Variants in KLF8 observed in about 807,000 individuals in gnomAD.
KLF8 encodes the protein KLF transcription factor 8, also known as Krueppel-like factor 8.
Under a neutral mutation model 18.2 loss-of-function variants are expected in KLF8, and 10 were observed. The ratio of observed to expected loss-of-function variants is 0.55; its 90% CI spans 0.34 to 0.93. The LOEUF (loss-of-function observed/expected upper bound fraction) is 0.93, where lower values mean the gene tolerates loss of function less well. KLF8 is among the 40% of genes least tolerant of loss of function. KLF8 has a pLI of 0.02. For missense variants in KLF8, 264 were observed against 277.9 expected (o/e 0.95, Z 0.36); for synonymous variants, 109 against 97.3 (o/e 1.12, Z -0.71).
At chrX:55,991,287 C>T in the KLF8 span, among the ~76,000 whole-genome samples, 1,228 of 112,173 alleles carry the variant, frequency 0.011, 9 homozygotes, top group African/African-American at 0.038. Context: ...GCTCTGTGGG[C>T]GTAGGACCCT....
the KLF8 span, among the ~76,000 whole-genome samples, chrX:55,918,110 A>G: frequency 8.9e-6 from 1 of 112,071 alleles, no homozygotes; most frequent in African/African-American, 3.2e-5. Flanking sequence ...TAGAGAGATA[A>G]CAGGAGCCCC....
chrX:56,103,918 T>G, the KLF8 span, among the ~76,000 whole-genome samples: 2 of 111,116 alleles, frequency 1.8e-5, no homozygotes. Flanking sequence ...GTTTTTAGCA[T>G]GAAGGGCTGT....
the KLF8 span, among the ~76,000 whole-genome samples, chrX:56,103,141 G>A: frequency 9.1e-6 from 1 of 109,969 alleles, no homozygotes; most frequent in Non-Finnish European, 1.9e-5. Context: ...AAGTCAGGTA[G>A]CATGATGCCT....
chrX:56,142,469 C>T, the KLF8 span, among the ~76,000 whole-genome samples: 1 of 111,336 alleles, frequency 9.0e-6, no homozygotes, highest in Non-Finnish European at 1.9e-5. Context: ...GATCAATCTT[C>T]GGAGCTTGTT....
chrX:55,973,343 A>G, the KLF8 span, among the ~76,000 whole-genome samples: 1 of 112,201 alleles, frequency 8.9e-6, no homozygotes, highest in African/African-American at 3.2e-5. Flanking sequence ...ACAAAAACAT[A>G]AATTGACAAG....
At chrX:55,922,084 A>G in the KLF8 span, among the ~76,000 whole-genome samples, 1 of 112,690 alleles carries the variant, frequency 8.9e-6, no homozygotes, top group Non-Finnish European at 1.9e-5. Flanking sequence ...AGCAGCAGAA[A>G]TACCATTTGA....
At chrX:56,205,367 A>G in the KLF8 span, among the ~76,000 whole-genome samples, 1 of 111,897 alleles carries the variant, frequency 8.9e-6, no homozygotes, top group Admixed American at 9.5e-5. Flanking sequence ...TTAAATAGAA[A>G]CTAGCTAGCT....
At chrX:56,042,175 A>G in the KLF8 span, among the ~76,000 whole-genome samples, 1 of 111,623 alleles carries the variant, frequency 9.0e-6, no homozygotes, top group Non-Finnish European at 1.9e-5. Flanking sequence ...ATTTCCATGT[A>G]CTTGTATGGT....
At chrX:56,040,690 G>T in the KLF8 span, among the ~76,000 whole-genome samples, 5 of 105,450 alleles carry the variant, frequency 4.7e-5, no homozygotes, top group Non-Finnish European at 9.7e-5. Flanking sequence ...TTCCATTGCT[G>T]TATCTCTTCC....
the KLF8 span, among the ~76,000 whole-genome samples, chrX:56,053,792 C>T: frequency 9.1e-6 from 1 of 110,043 alleles, no homozygotes; most frequent in African/African-American, 3.3e-5. Flanking sequence ...TATTTATATG[C>T]ATTGTGGGTT....
chrX:55,976,968 G>T, the KLF8 span, among the ~76,000 whole-genome samples: 6 of 111,911 alleles, frequency 5.4e-5, no homozygotes, highest in East Asian at 1.7e-3. Flanking sequence ...TGTTGATTTT[G>T]TATCCTGAAC....
At chrX:56,052,007 A>G in the KLF8 span, among the ~76,000 whole-genome samples, 1 of 109,826 alleles carries the variant, frequency 9.1e-6, no homozygotes, top group Admixed American at 9.7e-5. Context: ...TTCTCACTTC[A>G]TTTCATTCAT....
At chrX:56,168,793 C>A in the KLF8 span, among the ~76,000 whole-genome samples, 1 of 110,822 alleles carries the variant, frequency 9.0e-6, no homozygotes, top group Non-Finnish European at 1.9e-5. Context: ...TGATGGTTTC[C>A]AGCTTCATCC....
chrX:56,064,028 A>C, the KLF8 span, among the ~76,000 whole-genome samples: 27 of 108,271 alleles, frequency 2.5e-4, no homozygotes, highest in African/African-American at 8.0e-4. Context: ...TAGAATGTGC[A>C]TGTGTATATA....
chrX:56,063,987 A>G, the KLF8 span, among the ~76,000 whole-genome samples: 1 of 108,902 alleles, frequency 9.2e-6, no homozygotes, highest in African/African-American at 3.3e-5. Flanking sequence ...GTACATATAT[A>G]TCAATATATA....
rs2067269508 is a variant in KLF8, at chrX:56,286,458, C to G, written c.*1964C>G. On this transcript the variant is annotated 3_prime_UTR_variant, in exon 6 of 6. Coordinates refer to ENST00000468660, the MANE Select transcript of KLF8 (RefSeq NM_007250.5). ...GTGAGTCACCACACCTGGCCAGGAT[C>G]ACATTATTAAACCAAATTAAAGTTT... 1 of 112,212 alleles carries G rather than the reference C, an allele frequency of 8.9e-6. No individual in the cohort carries two copies. Among genetic ancestry groups the G allele is most frequent in the Non-Finnish European group, 1.9e-5 (1 of 53,230 alleles). 9.2% of individuals were successfully genotyped at this position (112,212 alleles called of 1,213,427 possible).
chrX:56,171,452 C>A, the KLF8 span, among the ~76,000 whole-genome samples: 1 of 111,302 alleles, frequency 9.0e-6, no homozygotes, highest in Non-Finnish European at 1.9e-5. Context: ...TAAACATGTG[C>A]CATGTTGGTG....
intron 1 of KLF8, chrX:56,243,199 G>A (rs191901329): frequency 6.1e-6 from 3 of 489,417 alleles, no homozygotes; most frequent in South Asian, 4.7e-5. Context: ...AGTCAAGCTT[G>A]TTTCTCCTGG....
At chrX:55,925,476 T>A in the KLF8 span, among the ~76,000 whole-genome samples, 1 of 111,248 alleles carries the variant, frequency 9.0e-6, no homozygotes, top group Non-Finnish European at 1.9e-5. Context: ...ATACCATCTG[T>A]TGCATTTACT....
Sources: allele counts gnomAD v4.1 joint callset (sites outside exome capture counted in the v4.1 genomes callset), GRCh38; gene constraint gnomAD v4.1.1; transcripts MANE v1.5; gene names NCBI Gene and HGNC (gene_info 2026-07-23, HGNC 2026-07-21).